Variants in DOCK2 observed in about 807,000 individuals in gnomAD.
DOCK2 encodes the protein dedicator of cytokinesis protein 2.
Under a neutral mutation model 248.9 loss-of-function variants are expected in DOCK2, and 87 were observed. The ratio of observed to expected loss-of-function variants is 0.35; its 90% CI spans 0.29 to 0.42. The LOEUF (loss-of-function observed/expected upper bound fraction) is 0.42. DOCK2 is among the 10% of genes least tolerant of loss of function. The pLI, the probability that DOCK2 is intolerant of heterozygous loss-of-function variation, is 1.00. For missense variants in DOCK2, 1,747 were observed against 2,300.2 expected, an observed-to-expected ratio of 0.76 and a Z score of 4.92; for synonymous variants, 805 against 821.6, an observed-to-expected ratio of 0.98 and a Z score of 0.35.
chr5:169,862,337 G>T (rs1581307425), intron 27 of DOCK2, among the ~76,000 whole-genome samples: 1 of 152,160 alleles, frequency 6.6e-6, no homozygotes, highest in South Asian at 2.1e-4. Context: ...TGATGCCCGA[G>T]AATATAAATT....
chr5:169,838,550 A>G (rs577515230), intron 26 of DOCK2, among the ~76,000 whole-genome samples: 4 of 152,302 alleles, frequency 2.6e-5, no homozygotes, highest in African/African-American at 9.6e-5. Context: ...GCTTGGAGAA[A>G]TAAAGGAGAA....
At chr5:169,994,158 A>G (rs1433588073) in intron 29 of DOCK2, among the ~76,000 whole-genome samples, 1 of 152,194 alleles carries the variant, frequency 6.6e-6, no homozygotes, top group East Asian at 1.9e-4. Context: ...AAAGTTACTC[A>G]AGTATGGGTA....
chr5:169,786,742 T>C (rs893883453), intron 25 of DOCK2, among the ~76,000 whole-genome samples: 1 of 152,212 alleles, frequency 6.6e-6, no homozygotes, highest in African/African-American at 2.4e-5. Flanking sequence ...CAAGACTTAC[T>C]GTCTGTTTTA....
At chr5:169,958,284 G>T (rs1003811344) in intron 27 of DOCK2, among the ~76,000 whole-genome samples, 2 of 152,036 alleles carry the variant, frequency 1.3e-5, no homozygotes, top group Non-Finnish European at 2.9e-5. Context: ...TTAATAAGAA[G>T]CTTATGAATC....
chr5:170,080,142 G>A (rs72828651), intron 49 of DOCK2, 21 bp from the exon 50 acceptor site: 28,470 of 1,613,752 alleles, frequency 0.018, 313 homozygotes, highest in Non-Finnish European at 0.021. Flanking sequence ...GTGTGTGTGT[G>A]TGTCTGGTGT....
At chr5:169,815,402 GT>G (rs1768003066) in intron 26 of DOCK2, among the ~76,000 whole-genome samples, 1 of 152,158 alleles carries the variant, frequency 6.6e-6, no homozygotes, top group African/African-American at 2.4e-5. Context: ...CATTACCAAA[GT>G]TTAAAGAAGT....
At chr5:170,061,255 A>G (rs1581566551) in intron 44 of DOCK2, among the ~76,000 whole-genome samples, 1 of 152,236 alleles carries the variant, frequency 6.6e-6, no homozygotes, top group East Asian at 1.9e-4. Context: ...CAGAGATTTG[A>G]GGGCTAGATT....
chr5:169,801,483 C>G lies in DOCK2; in HGVS notation c.2555-1575C>G, dbSNP rs527861656. 2.4e-4 allele frequency among the ~76,000 whole-genome samples: 37 copies of G among 152,324 alleles called. No individual in the cohort carries two copies. The South Asian group carries it at 7.2e-3, about 30-fold the overall frequency. ...TTACTGAGATGATTCATGCACGACA[C>G]TTGCAACAGTGCCTAGCACATTGTA... is the stretch of plus-strand genomic sequence containing the variant. On this transcript the variant is annotated intron_variant, in intron 25 of 51. Transcript: ENST00000520908.
intron 7 of DOCK2, among the ~76,000 whole-genome samples, chr5:169,683,227 C>A (rs1413483337): frequency 6.6e-6 from 1 of 151,964 alleles, no homozygotes; most frequent in Non-Finnish European, 1.5e-5. Flanking sequence ...AATGGCTGTA[C>A]AATTTTTTTT....
chr5:169,832,583 A>G (rs918160460), intron 26 of DOCK2, among the ~76,000 whole-genome samples: 3 of 152,244 alleles, frequency 2.0e-5, no homozygotes, highest in Non-Finnish European at 4.4e-5. Flanking sequence ...AACCAGTTCA[A>G]ACAGGAAGAA....
intron 27 of DOCK2, among the ~76,000 whole-genome samples, chr5:169,957,119 G>A (rs1410582783): frequency 2.0e-5 from 3 of 152,148 alleles, no homozygotes; most frequent in Non-Finnish European, 4.4e-5. Flanking sequence ...AAGACTGTCA[G>A]TGCCATGAGG....
intron 27 of DOCK2, among the ~76,000 whole-genome samples, chr5:169,896,132 C>T (rs1195461006): frequency 6.6e-6 from 1 of 151,094 alleles, no homozygotes; most frequent in South Asian, 2.1e-4. Context: ...GCTCCCAGAG[C>T]GTGCAGGCAG....
chr5:169,875,455 C>G (rs1288843085), intron 27 of DOCK2: 2 of 364,592 alleles, frequency 5.5e-6, no homozygotes, highest in Admixed American at 6.9e-5. Flanking sequence ...CCACTGAGAC[C>G]TAATATCCTT....
chr5:169,944,856 G>A (rs948916976), intron 27 of DOCK2, among the ~76,000 whole-genome samples: 1 of 152,158 alleles, frequency 6.6e-6, no homozygotes, highest in Non-Finnish European at 1.5e-5. Flanking sequence ...TGCCTTGTGG[G>A]CTCCAGTTGC....
intron 27 of DOCK2, among the ~76,000 whole-genome samples, chr5:169,899,305 C>T (rs572674031): frequency 6.6e-6 from 1 of 152,300 alleles, no homozygotes; most frequent in African/African-American, 2.4e-5. Flanking sequence ...CTCAGAGTGC[C>T]TGACTTCCTG....
At chr5:169,969,664 C>G (rs1777429579) in intron 27 of DOCK2, among the ~76,000 whole-genome samples, 1 of 152,190 alleles carries the variant, frequency 6.6e-6, no homozygotes, top group African/African-American at 2.4e-5. Flanking sequence ...CGTGCAGTGC[C>G]TACAGGGTCC....
At chr5:169,955,744 T>C (rs1456420409) in intron 27 of DOCK2, among the ~76,000 whole-genome samples, 6 of 152,194 alleles carry the variant, frequency 3.9e-5, no homozygotes, top group African/African-American at 1.2e-4. Flanking sequence ...AGTTTCTTCA[T>C]CTGTGTAATG....
chr5:169,840,916 T>C, intron 27 of DOCK2, 64 bp downstream of exon 27: 1 of 1,539,166 alleles, frequency 6.5e-7, no homozygotes, highest in Non-Finnish European at 8.9e-7. Context: ...ATGGATTTTC[T>C]GAAAAGGCAG....
At chr5:169,981,659 G>A (rs1204817321) in intron 27 of DOCK2, among the ~76,000 whole-genome samples, 1 of 152,022 alleles carries the variant, frequency 6.6e-6, no homozygotes, top group Admixed American at 6.6e-5. Context: ...AGCCACTCTA[G>A]TCTTCAGCAA....
Sources: allele counts gnomAD v4.1 joint callset (sites outside exome capture counted in the v4.1 genomes callset), GRCh38; gene constraint gnomAD v4.1.1; transcripts MANE v1.5; gene names NCBI Gene and HGNC (gene_info 2026-07-23, HGNC 2026-07-21).